The following SLCO5A1 variants were observed in gnomAD, a reference collection of about 807,000 sequenced individuals.
The protein encoded by SLCO5A1 is organic anion transporter polypeptide-related protein 4.
SLCO5A1 carries 39 observed loss-of-function variants against 65.1 expected under a neutral mutation model. The observed-to-expected ratio is 0.60, with a 90% CI of 0.46 to 0.78. SLCO5A1 has a LOEUF of 0.78. Among genes scored for constraint, SLCO5A1 ranks in the 30% least tolerant of loss-of-function variants. SLCO5A1 has a pLI of 0.00. For synonymous variants in SLCO5A1, 438 were observed against 415.7 expected (o/e 1.05, Z -0.65); for missense variants, 1,029 against 1,069.4 (o/e 0.96, Z 0.53).
intron 6 of SLCO5A1, 113 bp from the exon 7 acceptor site, chr8:69,682,456 T>A: frequency 1.8e-6 from 2 of 1,100,154 alleles, no homozygotes; most frequent in Non-Finnish European, 2.4e-6. Context: ...TCCCATTGAA[T>A]CAAAGCCATG....
intron 2 of SLCO5A1, among the ~76,000 whole-genome samples, chr8:69,767,913 A>AG (rs370355198): frequency 0.12 from 15,759 of 131,398 alleles, 1,331 homozygotes; most frequent in African/African-American, 0.17. Flanking sequence ...AAAAAAAAAC[A>AG]AAAAGAAAAA....
intron 2 of SLCO5A1, among the ~76,000 whole-genome samples, chr8:69,787,263 T>C (rs551304847): frequency 6.6e-6 from 1 of 152,358 alleles, no homozygotes; most frequent in Non-Finnish European, 1.5e-5. Flanking sequence ...GACAAATGAT[T>C]TTCCCGCATT....
At chr8:69,806,118 C>T (rs1477471552) in intron 2 of SLCO5A1, among the ~76,000 whole-genome samples, 1 of 152,188 alleles carries the variant, frequency 6.6e-6, no homozygotes, top group African/African-American at 2.4e-5. Flanking sequence ...GAAGGATGTG[C>T]CTGAGATGAT....
chr8:69,832,826 C>T lies in SLCO5A1; in HGVS notation c.-153G>A. 2.4e-6 allele frequency: 2 copies of T among 834,798 alleles called. No individual in the cohort carries two copies. The highest frequency in any genetic ancestry group is 3.6e-6 in the Non-Finnish European group (2 of 551,426). 51.7% of individuals were successfully genotyped at this position (834,798 alleles called of 1,614,324 possible). A position where few individuals can be genotyped will look rare whatever the true frequency, so the allele number is the denominator to read the frequency against. The stretch of plus-strand genomic sequence containing the variant: ...GGGCCGCGCAGCAGGGCATCCTCAC[C>T]AGCTGCGAGGCGCCCAGTGCATCCT... On this transcript the variant is annotated 5_prime_UTR_variant, in exon 2 of 10. An upstream open reading frame in the 5' UTR gains an earlier in-frame stop. Coordinates refer to ENST00000260126, the MANE Select transcript of SLCO5A1 (RefSeq NM_030958.3). This position sits in a 1 kb window ranked among gnomAD's most constrained non-coding sequence, Gnocchi z 4.5.
intron 7 of SLCO5A1, among the ~76,000 whole-genome samples, chr8:69,681,100 A>G (rs183750030): frequency 6.6e-4 from 101 of 152,308 alleles, no homozygotes; most frequent in Non-Finnish European, 1.3e-3. Context: ...CCAATTATAT[A>G]ATGGGGAACA....
intron 2 of SLCO5A1, among the ~76,000 whole-genome samples, chr8:69,802,509 C>CA (rs1489767656): frequency 7.7e-6 from 1 of 130,112 alleles, no homozygotes; most frequent in Non-Finnish European, 1.6e-5. Flanking sequence ...GACCCTATTT[C>CA]AAAAAAACAC....
chr8:69,755,417 A>G lies in SLCO5A1; in HGVS notation c.1258+7T>C. ...ATGCATGTATTTATTCAAGAGGTAT[A>G]CTTTACCTCTGACATCCTTTCCAAA... On this transcript the variant is annotated splice_region_variant and intron_variant, in intron 4 of 9. Coordinates refer to ENST00000260126, the MANE Select transcript of SLCO5A1 (RefSeq NM_030958.3). 6.2e-7 allele frequency: 1 copy of G among 1,611,496 alleles called. No individual in the cohort carries two copies. The highest frequency in any genetic ancestry group is 8.5e-7 in the Non-Finnish European group (1 of 1,179,036).
intron 2 of SLCO5A1, among the ~76,000 whole-genome samples, chr8:69,795,442 T>G (rs1455572984): frequency 1.3e-5 from 2 of 152,118 alleles, no homozygotes; most frequent in African/African-American, 4.8e-5. Flanking sequence ...AAGTCCAAAA[T>G]CCAGCAAGGC....
intron 5 of SLCO5A1, among the ~76,000 whole-genome samples, chr8:69,719,413 C>A (rs1209268793): frequency 6.6e-6 from 1 of 152,022 alleles, no homozygotes; most frequent in East Asian, 1.9e-4. Flanking sequence ...ACTTAGGTTT[C>A]AAAAATCCAT....
intron 4 of SLCO5A1, among the ~76,000 whole-genome samples, chr8:69,749,550 G>A (rs147771644): frequency 0.01 from 1,586 of 152,008 alleles, 11 homozygotes; most frequent in Middle Eastern, 0.024. Flanking sequence ...CCTTGGAGGC[G>A]GAGGTTGCAG....
intron 5 of SLCO5A1, among the ~76,000 whole-genome samples, chr8:69,730,211 T>A (rs1326912203): frequency 6.6e-6 from 1 of 152,236 alleles, no homozygotes; most frequent in Non-Finnish European, 1.5e-5. Flanking sequence ...GTCTGTGTAC[T>A]ACATTAGGCT....
At chr8:69,706,649 C>T (rs116094610) in intron 5 of SLCO5A1, among the ~76,000 whole-genome samples, 2,157 of 152,272 alleles carry the variant, frequency 0.014, 51 homozygotes, top group African/African-American at 0.048. Context: ...CCTCCTTCAC[C>T]ACACGGGGCC....
chr8:69,719,148 C>T (rs1264605633), intron 5 of SLCO5A1, among the ~76,000 whole-genome samples: 1 of 152,212 alleles, frequency 6.6e-6, no homozygotes, highest in Non-Finnish European at 1.5e-5. Context: ...GTTCACCTTG[C>T]TCTCTGAATA....
intron 3 of SLCO5A1, among the ~76,000 whole-genome samples, chr8:69,756,611 T>C (rs1465196579): frequency 6.6e-6 from 1 of 152,206 alleles, no homozygotes; most frequent in African/African-American, 2.4e-5. Context: ...ATGGTACAGA[T>C]TATGAGTGCT....
At chr8:69,696,108 A>G (rs1323858896) in intron 6 of SLCO5A1, among the ~76,000 whole-genome samples, 1 of 152,218 alleles carries the variant, frequency 6.6e-6, no homozygotes, top group Non-Finnish European at 1.5e-5. Context: ...GGGCAAGCCC[A>G]GCAGCAGTTG....
chr8:69,811,358 T>C (rs1380002777), intron 2 of SLCO5A1, among the ~76,000 whole-genome samples: 2 of 152,210 alleles, frequency 1.3e-5, no homozygotes. Flanking sequence ...AAGCTATTTA[T>C]AACCTGAAAG....
chr8:69,824,970 A>C (rs1820807566), intron 2 of SLCO5A1, among the ~76,000 whole-genome samples: 1 of 152,216 alleles, frequency 6.6e-6, no homozygotes, highest in African/African-American at 2.4e-5. Context: ...AGGCTGGTTC[A>C]ATATACGCAA....
chr8:69,813,619 T>C (rs577465101), intron 2 of SLCO5A1, among the ~76,000 whole-genome samples: 1 of 152,202 alleles, frequency 6.6e-6, no homozygotes, highest in Non-Finnish European at 1.5e-5. Flanking sequence ...TCCTACGACA[T>C]CTCTCAAGCC....
chr8:69,757,716 A>G (rs1261055652), intron 3 of SLCO5A1, among the ~76,000 whole-genome samples: 1 of 152,152 alleles, frequency 6.6e-6, no homozygotes, highest in Non-Finnish European at 1.5e-5. Flanking sequence ...TCATCTGTCT[A>G]TAGAGAACAT....
Sources: allele counts gnomAD v4.1 joint callset (sites outside exome capture counted in the v4.1 genomes callset), GRCh38; gene constraint gnomAD v4.1.1; non-coding constraint Gnocchi (gnomAD v3.1); transcripts MANE v1.5; gene names NCBI Gene and HGNC (gene_info 2026-07-23, HGNC 2026-07-21).